The following SUPT3H variants were observed in gnomAD, a reference collection of about 807,000 sequenced individuals.
The protein encoded by SUPT3H is SPT3 homolog, SAGA and STAGA complex component.
SUPT3H carries 44 observed loss-of-function variants against 44.3 expected under a neutral mutation model. The ratio of observed to expected loss-of-function variants is 0.99; its 90% confidence interval spans 0.78 to 1.28. The LOEUF (loss-of-function observed/expected upper bound fraction) is 1.28. Ranked by LOEUF, SUPT3H falls within the 50% of genes most tolerant of loss-of-function variation. SUPT3H has a pLI of 0.00. For missense variants in SUPT3H, 380 were observed against 387.1 expected (o/e 0.98, Z 0.15); for synonymous variants, 124 against 125.6 (o/e 0.99, Z 0.09).
chr6:44,960,432 A>AG (rs948104752), intron 7 of SUPT3H, among the ~76,000 whole-genome samples: 1 of 150,904 alleles, frequency 6.6e-6, no homozygotes, highest in African/African-American at 2.4e-5. Context: ...AAAAAAAAAA[A>AG]AAAGAACAAA....
intron 2 of SUPT3H, among the ~76,000 whole-genome samples, chr6:45,121,520 G>GC (rs1014376967): frequency 3.2e-5 from 4 of 123,572 alleles, no homozygotes; most frequent in Non-Finnish European, 6.4e-5. Flanking sequence ...AAATTATGTG[G>GC]GGGGGGGGGT....
intron 6 of SUPT3H, among the ~76,000 whole-genome samples, chr6:44,965,252 C>A (rs770937475): frequency 6.6e-6 from 1 of 152,148 alleles, no homozygotes; most frequent in Non-Finnish European, 1.5e-5. Context: ...TGATTCCATT[C>A]ACTCTCTGGA....
At chr6:45,068,844 C>T (rs1793887272) in intron 3 of SUPT3H, among the ~76,000 whole-genome samples, 1 of 152,020 alleles carries the variant, frequency 6.6e-6, no homozygotes, top group South Asian at 2.1e-4. Flanking sequence ...CTTTCAAGAT[C>T]ATGTGAACAC....
intron 3 of SUPT3H, among the ~76,000 whole-genome samples, chr6:45,020,893 A>T (rs1455445888): frequency 6.6e-6 from 1 of 151,984 alleles, no homozygotes; most frequent in Non-Finnish European, 1.5e-5. Flanking sequence ...GAAAAATCAT[A>T]CACAGCTTCC....
chr6:45,028,116 T>C (rs903854687), intron 3 of SUPT3H, among the ~76,000 whole-genome samples: 3 of 152,246 alleles, frequency 2.0e-5, no homozygotes, highest in African/African-American at 7.2e-5. Flanking sequence ...AAATTTCTAT[T>C]GTCTGTTTTT....
intron 2 of SUPT3H, among the ~76,000 whole-genome samples, chr6:45,119,323 T>G (rs1390213884): frequency 6.6e-6 from 1 of 152,150 alleles, no homozygotes; most frequent in Non-Finnish European, 1.5e-5. Context: ...AATAATCACC[T>G]GTTATTTAAA....
chr6:45,093,141 A>G (rs1183610427), intron 3 of SUPT3H, among the ~76,000 whole-genome samples: 1 of 152,186 alleles, frequency 6.6e-6, no homozygotes, highest in Non-Finnish European at 1.5e-5. Flanking sequence ...GGATAAAAAT[A>G]CATATTTTAC....
intron 1 of SUPT3H, among the ~76,000 whole-genome samples, chr6:45,376,372 G>A (rs1024565964): frequency 1.3e-5 from 2 of 152,192 alleles, no homozygotes; most frequent in Non-Finnish European, 1.5e-5. Context: ...TTGTAGCCCT[G>A]TGCTGTCCAA....
At chr6:45,012,847 C>A (rs1023478341) in intron 5 of SUPT3H, among the ~76,000 whole-genome samples, 1 of 152,136 alleles carries the variant, frequency 6.6e-6, no homozygotes, top group Non-Finnish European at 1.5e-5. Flanking sequence ...CTTGGCTGAA[C>A]TAGTACAATG....
At chr6:44,989,116 A>G (rs1780246818) in intron 6 of SUPT3H, among the ~76,000 whole-genome samples, 3 of 152,154 alleles carry the variant, frequency 2.0e-5, no homozygotes, top group Non-Finnish European at 4.4e-5. Flanking sequence ...CATTAAAAGA[A>G]TATTTAAAAA....
chr6:44,967,952 G>A (rs1777001378), intron 6 of SUPT3H, among the ~76,000 whole-genome samples: 1 of 151,898 alleles, frequency 6.6e-6, no homozygotes, highest in Non-Finnish European at 1.5e-5. Context: ...ATCAGGCCTG[G>A]CAAATTGTTT....
At chr6:45,204,443 T>C (rs1355042527) in intron 2 of SUPT3H, among the ~76,000 whole-genome samples, 1 of 152,120 alleles carries the variant, frequency 6.6e-6, no homozygotes, top group Non-Finnish European at 1.5e-5. Context: ...AAATACTGGA[T>C]CTACGAGGAA....
intron 2 of SUPT3H, among the ~76,000 whole-genome samples, chr6:45,173,631 T>C (rs1219777554): frequency 6.6e-6 from 1 of 152,222 alleles, no homozygotes; most frequent in African/African-American, 2.4e-5. Flanking sequence ...TTATTTCTAA[T>C]GGTTCTAAAC....
intron 2 of SUPT3H, chr6:45,321,752 T>C (rs374081669): frequency 7.4e-6 from 10 of 1,349,788 alleles, no homozygotes; most frequent in Non-Finnish European, 1.1e-5. Context: ...CCCATAAACT[T>C]GTTCTCTTGA....
At chr6:44,815,289 A>G (rs889248922) in intron 11 of SUPT3H, among the ~76,000 whole-genome samples, 2 of 152,218 alleles carry the variant, frequency 1.3e-5, no homozygotes, top group African/African-American at 4.8e-5. Flanking sequence ...GTTAAAACCA[A>G]GAAATACAAG....
intron 2 of SUPT3H, among the ~76,000 whole-genome samples, chr6:45,269,878 A>T (rs942900839): frequency 2.0e-5 from 3 of 152,192 alleles, no homozygotes; most frequent in Non-Finnish European, 2.9e-5. Flanking sequence ...CTAATTTCAG[A>T]ACATTTTCAT....
chr6:45,123,617 T>TAA (rs1490446755), intron 2 of SUPT3H, among the ~76,000 whole-genome samples: 1 of 152,104 alleles, frequency 6.6e-6, no homozygotes. Flanking sequence ...TATATATATA[T>TAA]AATCTATTTT....
intron 6 of SUPT3H, among the ~76,000 whole-genome samples, chr6:44,999,137 T>G (rs1028637228): frequency 6.6e-6 from 1 of 152,022 alleles, no homozygotes; most frequent in African/African-American, 2.4e-5. Flanking sequence ...CCCTATAAAT[T>G]TTTGCATTTT....
intron 3 of SUPT3H, among the ~76,000 whole-genome samples, chr6:45,058,518 T>C (rs1306461080): frequency 1.3e-5 from 2 of 152,104 alleles, no homozygotes; most frequent in Admixed American, 1.3e-4. Flanking sequence ...AAAATACTGT[T>C]ATATTATACA....
Sources: allele counts gnomAD v4.1 joint callset (sites outside exome capture counted in the v4.1 genomes callset), GRCh38; gene constraint gnomAD v4.1.1; transcripts MANE v1.5; gene names NCBI Gene and HGNC (gene_info 2026-07-23, HGNC 2026-07-21).